The following ARHGEF6 variants were observed in gnomAD, a reference collection of about 807,000 sequenced individuals.
ARHGEF6 encodes the protein rho guanine nucleotide exchange factor 6.
In ARHGEF6, 9 loss-of-function variants were observed where a neutral mutation model predicts 70.3. That is an observed-to-expected ratio of 0.13 (90% CI 0.08 to 0.22). The LOEUF (loss-of-function observed/expected upper bound fraction) is 0.22, where lower values mean the gene tolerates loss of function less well. Ranked by LOEUF, ARHGEF6 falls within the 10% of genes least tolerant of loss-of-function variation. The probability of loss-of-function intolerance (pLI) is 1.00; values close to 1 mark genes in which losing one functional copy is unlikely to be tolerated. For synonymous variants in ARHGEF6, 201 were observed against 207.8 expected (o/e 0.97, Z 0.28); for missense variants, 470 against 563.0 (o/e 0.83, Z 1.67).
At chrX:136,778,337 T>C (rs745538596) in intron 2 of ARHGEF6, among the ~76,000 whole-genome samples, 3 of 111,115 alleles carry the variant, frequency 2.7e-5, no homozygotes, top group Non-Finnish European at 5.7e-5. Flanking sequence ...CACAACTATT[T>C]GTCCACGGAT....
intron 11 of ARHGEF6, among the ~76,000 whole-genome samples, chrX:136,686,633 T>TACAC (rs1569393911): frequency 1.7e-4 from 13 of 77,128 alleles, no homozygotes; most frequent in African/African-American, 9.1e-4. Flanking sequence ...CACATATATA[T>TACAC]ATATATATAC....
intron 2 of ARHGEF6, among the ~76,000 whole-genome samples, chrX:136,751,473 C>T (rs2077149606): frequency 8.9e-6 from 1 of 111,954 alleles, no homozygotes; most frequent in South Asian, 3.7e-4. Flanking sequence ...CTGCTATGTT[C>T]CTGGCACCAC....
chrX:136,690,461 C>T (rs959960024), intron 10 of ARHGEF6, 149 bp downstream of exon 10: 2 of 575,735 alleles, frequency 3.5e-6, no homozygotes, highest in Non-Finnish European at 5.5e-6. Context: ...AAACTAGAAG[C>T]CTGAGAAGAG....
chrX:136,727,323 CTTTTTCTTTCTTTCTTTCTT>C (rs1276515704), intron 6 of ARHGEF6, among the ~76,000 whole-genome samples: 117 of 75,643 alleles, frequency 1.5e-3, no homozygotes, highest in African/African-American at 6.8e-3. Context: ...TTCTTTCTTT[CTTTTTCTTTCTTTCTTTCTT>C]TCTTTCTTTC....
chrX:136,682,133 A>T lies in ARHGEF6; in HGVS notation c.1480-165T>A, dbSNP rs144357924. 8.9e-5 allele frequency among the ~76,000 whole-genome samples: 10 copies of T among 112,330 alleles called. No homozygotes were observed. In the East Asian group the frequency reaches 2.8e-3, roughly 31 times the overall value. The stretch of plus-strand genomic sequence containing the variant: ...CCTGCTCTAAATTTTAATCAGACTA[A>T]GAAAGCAAGGGGAAAATGTGGATTG... On this transcript the variant is annotated intron_variant, in intron 13 of 21. Transcript: ENST00000250617.
intron 19 of ARHGEF6, among the ~76,000 whole-genome samples, chrX:136,674,171 C>T (rs893310962): frequency 8.0e-5 from 9 of 112,464 alleles, no homozygotes; most frequent in African/African-American, 2.9e-4. Flanking sequence ...CAGTAGAATG[C>T]TTCTTTTATG....
At chrX:136,757,115 C>A (rs780326003) in intron 2 of ARHGEF6, among the ~76,000 whole-genome samples, 1 of 112,892 alleles carries the variant, frequency 8.9e-6, no homozygotes, top group Non-Finnish European at 1.9e-5. Context: ...GTCTGTAGTC[C>A]CAGCACTTTG....
At position 136,666,574 on chromosome X, in the gene ARHGEF6, C is replaced by T. The variant is rs2076163469; in HGVS notation, c.*1455G>A. 1 of 112,047 alleles carries T rather than the reference C, an allele frequency of 8.9e-6. No homozygotes were observed. The highest frequency in any genetic ancestry group is 1.9e-5 in the Non-Finnish European group (1 of 53,167). The allele number at this position is 112,047 out of a possible 1,213,427, so 9.2% of individuals were successfully genotyped here. A position where few individuals can be genotyped will look rare whatever the true frequency, so the allele number is the denominator to read the frequency against. On this transcript the variant is annotated 3_prime_UTR_variant, in exon 22 of 22. Transcript: ENST00000250617. ...AAAACCCACATTTATAGGCATCCAT[C>T]AAATATATTATAAAGGCAATTCTGA... is the stretch of plus-strand genomic sequence containing the variant.
At chrX:136,767,505 C>G in intron 2 of ARHGEF6, 1 of 754,978 alleles carries the variant, frequency 1.3e-6, no homozygotes, top group Non-Finnish European at 1.6e-6. Flanking sequence ...GAGTCTTGTC[C>G]TCAAGTTCTT....
In ARHGEF6 at chrX:136,743,803, C is replaced by T. The variant is rs751564828; in HGVS notation, c.460-17G>A. 2 of 1,195,444 alleles carry T rather than the reference C, an allele frequency of 1.7e-6. No individual in the cohort carries two copies. Among genetic ancestry groups the T allele is most frequent in the Non-Finnish European group, 2.3e-6 (2 of 880,883 alleles). On this transcript the variant is annotated splice_polypyrimidine_tract_variant and intron_variant, in intron 4 of 21. Coordinates refer to ENST00000250617, the MANE Select transcript of ARHGEF6 (RefSeq NM_004840.3). ...CGTCATCTCCTAGAGAAACAAAAGC[C>T]ACACCAGATTAAGCACTCATCTAAA...
chrX:136,679,706 C>A, intron 15 of ARHGEF6, 46 bp from the exon 16 acceptor site: 2 of 1,203,178 alleles, frequency 1.7e-6, no homozygotes, highest in Non-Finnish European at 2.3e-6. Flanking sequence ...CATCTGAACC[C>A]GACCTTGTGC....
At chrX:136,672,673 T>G in intron 19 of ARHGEF6, among the ~76,000 whole-genome samples, 1 of 111,592 alleles carries the variant, frequency 9.0e-6, no homozygotes, top group African/African-American at 3.3e-5. Context: ...TGGAGTGAGG[T>G]TTGGAGATTA....
At chrX:136,767,286 A>C (rs1268123355) in intron 2 of ARHGEF6, 2 of 753,298 alleles carry the variant, frequency 2.7e-6, no homozygotes, top group African/African-American at 4.6e-5. Flanking sequence ...GCGGGAACAG[A>C]TCAACCCAGC....
At chrX:136,728,191 A>G (rs2076890331) in intron 6 of ARHGEF6, among the ~76,000 whole-genome samples, 1 of 112,112 alleles carries the variant, frequency 8.9e-6, no homozygotes, top group African/African-American at 3.2e-5. Flanking sequence ...ATAATTGAGG[A>G]CAATTAAGGA....
chrX:136,711,386 G>C (rs888370721), intron 7 of ARHGEF6, among the ~76,000 whole-genome samples: 1 of 110,977 alleles, frequency 9.0e-6, no homozygotes, highest in Non-Finnish European at 1.9e-5. Context: ...CTGTGGGATG[G>C]GCAAGGCAGT....
intron 9 of ARHGEF6, among the ~76,000 whole-genome samples, chrX:136,706,227 C>T (rs773190375): frequency 7.2e-5 from 8 of 111,774 alleles, no homozygotes; most frequent in Admixed American, 1.9e-4. Flanking sequence ...TGCAAGGACT[C>T]GTATTCTTAA....
intron 2 of ARHGEF6, among the ~76,000 whole-genome samples, chrX:136,757,129 G>T (rs1298648999): frequency 1.8e-5 from 2 of 112,996 alleles, no homozygotes; most frequent in Non-Finnish European, 3.7e-5. Flanking sequence ...CACTTTGGGA[G>T]GCTGAGGTGG....
chrX:136,705,749 A>G (rs1159321395), intron 9 of ARHGEF6, among the ~76,000 whole-genome samples: 1 of 112,423 alleles, frequency 8.9e-6, no homozygotes, highest in African/African-American at 3.2e-5. Flanking sequence ...AGAGTTCAAA[A>G]TTTATCAGAG....
chrX:136,743,314 A>T lies in ARHGEF6; in HGVS notation c.661+271T>A, dbSNP rs5974621. Among the ~76,000 whole-genome samples the T allele has an allele frequency of 7.8e-3, 875 of 112,344 alleles. 8 individuals carry two copies. The highest frequency in any genetic ancestry group is 0.027 in the African/African-American group (826 of 30,907). Reference sequence around the variant, plus strand: ...ATTACATGGGCTAGAATTAGTAGACATAAAGGGATACAGTTAGGGTGGACC... The same window carrying T: ...ATTACATGGGCTAGAATTAGTAGACTTAAAGGGATACAGTTAGGGTGGACC... On this transcript the variant is annotated intron_variant, in intron 5 of 21. Transcript: ENST00000250617.
Sources: gnomAD v4.1 joint callset for allele counts (sites outside exome capture counted in the v4.1 genomes callset) on GRCh38, gnomAD v4.1.1 for gene constraint, MANE v1.5 for transcripts, NCBI Gene and HGNC (gene_info 2026-07-23, HGNC 2026-07-21) for gene names.